Variants in ASAP2 observed in about 807,000 individuals in gnomAD.
ASAP2 encodes ArfGAP with SH3 domain, ankyrin repeat and PH domain 2.
In ASAP2, 45 loss-of-function variants were observed where a neutral mutation model predicts 131.4. The observed-to-expected ratio is 0.34, with a 90% CI of 0.27 to 0.44. The LOEUF is 0.44. ASAP2 is among the 20% of genes least tolerant of loss of function. The pLI is 1.00. For missense variants in ASAP2, 1,011 were observed against 1,297.0 expected (o/e 0.78, Z 3.39); for synonymous variants, 510 against 503.0 (o/e 1.01, Z -0.19).
chr2:9,278,313 G>GTCT (rs1289965517), intron 1 of ASAP2, among the ~76,000 whole-genome samples: 1 of 152,082 alleles, frequency 6.6e-6, no homozygotes, highest in Non-Finnish European at 1.5e-5. Context: ...AGGAGTTTGA[G>GTCT]ACCATCCTGT....
At chr2:9,341,652 C>T (rs1671585100) in intron 9 of ASAP2, among the ~76,000 whole-genome samples, 1 of 152,180 alleles carries the variant, frequency 6.6e-6, no homozygotes, top group Admixed American at 6.5e-5. Flanking sequence ...GCAGTTGAGT[C>T]TCCTGACAGG....
At chr2:9,294,243 C>A (rs1428787162) in intron 2 of ASAP2, among the ~76,000 whole-genome samples, 1 of 152,118 alleles carries the variant, frequency 6.6e-6, no homozygotes, top group African/African-American at 2.4e-5. Flanking sequence ...AGGTGATGCA[C>A]CTGTCTCGGC....
rs199921712 is a variant in ASAP2 at position 9,380,181 on chromosome 2, AGTTTTTGTTTTT to A, written c.1949-547_1949-536del. The stretch of plus-strand genomic sequence containing the variant: ...ATTTTAATTAGGTGGCTGCTTCAAC[AGTTTTTGTTTTT>A]GTTTTTGTTTTTTGTTTTTTTTGAG... On this transcript the variant is annotated intron_variant, in intron 19 of 27. Transcript: ENST00000281419. Among the ~76,000 whole-genome samples the A allele has an allele frequency of 3.9e-5, 6 of 151,936 alleles. No homozygotes were observed. The East Asian group carries it at 7.7e-4, about 20-fold the overall frequency.
chr2:9,332,872 A>G (rs1456599299), intron 7 of ASAP2, among the ~76,000 whole-genome samples: 2 of 152,248 alleles, frequency 1.3e-5, no homozygotes, highest in Non-Finnish European at 2.9e-5. Flanking sequence ...TTCAGAAAAA[A>G]ACGTATTAAA....
At chr2:9,339,185 A>G (rs1204505936) in intron 9 of ASAP2, among the ~76,000 whole-genome samples, 3 of 152,164 alleles carry the variant, frequency 2.0e-5, no homozygotes, top group Admixed American at 2.0e-4. Flanking sequence ...TCTCCAAAAC[A>G]AAAACAAAAA....
chr2:9,234,092 CAG>C (rs1305590932), intron 1 of ASAP2, among the ~76,000 whole-genome samples: 1 of 125,852 alleles, frequency 7.9e-6, no homozygotes, highest in African/African-American at 3.2e-5. Flanking sequence ...GCCTGGGTGA[CAG>C]AGCGAAGCTA....
At chr2:9,287,912 C>T (rs1008601416) in intron 2 of ASAP2, among the ~76,000 whole-genome samples, 1 of 152,152 alleles carries the variant, frequency 6.6e-6, no homozygotes, top group Non-Finnish European at 1.5e-5. Flanking sequence ...AACTAACGTC[C>T]AAGTGTTGGC....
At chr2:9,344,681 T>A in intron 10 of ASAP2, 46 bp downstream of exon 10, 1 of 1,612,852 alleles carries the variant, frequency 6.2e-7, no homozygotes, top group African/African-American at 1.3e-5. Context: ...GTTCGTTATC[T>A]TGTGTCCAAA....
intron 6 of ASAP2, 117 bp from the exon 7 acceptor site, chr2:9,327,709 C>T (rs1447796770): frequency 1.3e-5 from 9 of 697,328 alleles, no homozygotes; most frequent in Non-Finnish European, 2.2e-5. Flanking sequence ...CGATCATGCA[C>T]TCTACGCATT....
chr2:9,360,145 G>A (rs1572543382), intron 15 of ASAP2, among the ~76,000 whole-genome samples: 1 of 152,184 alleles, frequency 6.6e-6, no homozygotes, highest in South Asian at 2.1e-4. Flanking sequence ...GTGAACTATG[G>A]CAGTTGTTTC....
At position 9,281,090 on chromosome 2, in the gene ASAP2, G is replaced by A. The variant is rs148603412; in HGVS notation, c.199+1701G>A. Among the ~76,000 whole-genome samples the A allele has an allele frequency of 1.9e-4, 29 of 152,104 alleles. No individual in the cohort carries two copies. In the East Asian group the frequency reaches 4.6e-3, roughly 24 times the overall value. On this transcript the variant is annotated intron_variant, in intron 2 of 27. Coordinates refer to ENST00000281419, the MANE Select transcript of ASAP2 (RefSeq NM_003887.3). The surrounding 1 kb of genome is among the most constrained non-coding windows in gnomAD (Gnocchi z 4.0). ...TCAGTGAGTCACTAAGAAATGGTAC[G>A]CCCAGTTTCATTGACAAGCACCAGA...
chr2:9,321,227 G>A lies in ASAP2; in HGVS notation c.470+890G>A, dbSNP rs184702563. Among the ~76,000 whole-genome samples the A allele has an allele frequency of 4.1e-3, 618 of 152,158 alleles. 3 individuals are homozygous for A. Among genetic ancestry groups the A allele is most frequent in the Middle Eastern group, 0.014 (4 of 294 alleles). ...CATTAGATTGTTTAAAAAAAAAATAGCTCAGGATATCTTTCCAGTGGTGAA... is the reference window on the plus strand; with the variant it reads ...CATTAGATTGTTTAAAAAAAAAATAACTCAGGATATCTTTCCAGTGGTGAA... On this transcript the variant is annotated intron_variant, in intron 5 of 27. Transcript: ENST00000281419.
At chr2:9,245,038 G>A (rs1047539159) in intron 1 of ASAP2, among the ~76,000 whole-genome samples, 6 of 152,204 alleles carry the variant, frequency 3.9e-5, no homozygotes, top group African/African-American at 1.4e-4. Flanking sequence ...AATCATGCAG[G>A]CCTAGGTTTG....
rs1484180491 is a variant in ASAP2, at chr2:9,393,600, G to A, written c.2637G>A (p.Leu879=). Residue 879 remains leucine, a synonymous_variant, in exon 24 of 28, where the codon CTG becomes CTA. Coordinates refer to ENST00000281419, the MANE Select transcript of ASAP2 (RefSeq NM_003887.3). ...TCTCACAGATCAGGCCCCCACCTCT[G>A]CCCCCACAGCCGCCCAGCCGCCTCC... The part of the protein sequence containing the change: ...PGISQIRPPP[L]PPQPPSRLPQ... 2 of 1,590,912 alleles carry A rather than the reference G, an allele frequency of 1.3e-6. No individual in the cohort carries two copies. Among genetic ancestry groups the A allele is most frequent in the Non-Finnish European group, 1.7e-6 (2 of 1,170,818 alleles).
chr2:9,387,664 A>T (rs1037035212), intron 21 of ASAP2, among the ~76,000 whole-genome samples: 2 of 152,234 alleles, frequency 1.3e-5, no homozygotes, highest in Non-Finnish European at 2.9e-5. Context: ...TTCGACTCAT[A>T]AGATAAATAG....
Position 9,366,818 on chromosome 2 carries a change from T to G in ASAP2, c.1462-1607T>G, listed in dbSNP as rs534627952. 6.6e-5 allele frequency among the ~76,000 whole-genome samples: 10 copies of G among 152,192 alleles called. No individual in the cohort carries two copies. In the South Asian group the frequency reaches 2.1e-3, roughly 32 times the overall value. ...CAGCTATTAGGCTACCCCACATAAT[T>G]CTTCTGTTTTTAAAAAATTGCGTCT... On this transcript the variant is annotated intron_variant, in intron 15 of 27. Coordinates refer to ENST00000281419, the MANE Select transcript of ASAP2 (RefSeq NM_003887.3).
intron 12 of ASAP2, 126 bp from the exon 13 acceptor site, chr2:9,355,921 T>C (rs1672668590): frequency 8.3e-7 from 1 of 1,198,386 alleles, no homozygotes; most frequent in Non-Finnish European, 1.2e-6. Flanking sequence ...CCTGATTTTA[T>C]ACAAATCAGT....
intron 16 of ASAP2, among the ~76,000 whole-genome samples, chr2:9,371,852 CACGCCTGTAATCCCAGCACTTTGG>C (rs1558377451): frequency 6.6e-6 from 1 of 152,076 alleles, no homozygotes. Context: ...CGCGGTGGCT[CACGCCTGTAATCCCAGCACTTTGG>C]GAGGCCGAGG....
At chr2:9,350,582 A>G in intron 11 of ASAP2, 1 of 445,260 alleles carries the variant, frequency 2.2e-6, no homozygotes, top group South Asian at 5.1e-5. Context: ...GTTTGTGTAG[A>G]CCACCAAGGT....
Sources: gnomAD v4.1 joint callset for allele counts (sites outside exome capture counted in the v4.1 genomes callset) on GRCh38, gnomAD v4.1.1 for gene constraint, Gnocchi (gnomAD v3.1) non-coding constraint, MANE v1.5 for transcripts, NCBI Gene and HGNC (gene_info 2026-07-23, HGNC 2026-07-21) for gene names.